TNRC18: variants seen among roughly 807,000 people sequenced by gnomAD.
The protein encoded by TNRC18 is trinucleotide repeat containing 18.
TNRC18 carries 69 observed loss-of-function variants against 226.7 expected under a neutral mutation model. The observed-to-expected ratio is 0.30, with a 90% CI of 0.25 to 0.37. The LOEUF (loss-of-function observed/expected upper bound fraction) is 0.37. TNRC18 is among the 10% of genes least tolerant of loss of function. The pLI is 1.00. For missense variants in TNRC18, 4,754 were observed against 4,256.6 expected (o/e 1.12, Z -3.25); for synonymous variants, 2,449 against 1,927.6 (o/e 1.27, Z -7.09).
At chr7:5,399,745 C>T (rs1315345748) in intron 2 of TNRC18, among the ~76,000 whole-genome samples, 2 of 152,098 alleles carry the variant, frequency 1.3e-5, no homozygotes, top group African/African-American at 2.4e-5. Flanking sequence ...ACAGCCGGCA[C>T]GATGGCTCAC....
At position 5,361,980 on chromosome 7, in the gene TNRC18, G is replaced by C. The variant is rs758597808; in HGVS notation, c.4449C>G (p.Phe1483Leu). The stretch of plus-strand genomic sequence containing the variant: ...GCTGCACCTCGGCCAGCCGCATCCG[G>C]AAGTCCAGCTCCAGGGCGTCCATGT... ...LEDMDALELDFRMRLAEVQRQ... is the reference protein window; with the variant it reads ...LEDMDALELDLRMRLAEVQRQ... The change falls in exon 13 of 30, where the codon TTC becomes TTG. Residue 1483 changes from phenylalanine to leucine, a missense_variant. Phe to Leu is a conservative substitution (Grantham distance 22, BLOSUM62 0). Coordinates refer to ENST00000430969, the MANE Select transcript of TNRC18 (RefSeq NM_001080495.3). 6 of 1,613,388 alleles carry C rather than the reference G, an allele frequency of 3.7e-6. No homozygotes were observed. Among genetic ancestry groups the C allele is most frequent in the Non-Finnish European group, 2.5e-6 (3 of 1,179,780 alleles).
intron 16 of TNRC18, 144 bp downstream of exon 16, chr7:5,356,772 G>A: frequency 8.3e-7 from 1 of 1,204,262 alleles, no homozygotes; most frequent in South Asian, 1.9e-5. Flanking sequence ...GCCATGCCAA[G>A]CTCAGGCACT....
At position 5,345,643 on chromosome 7, in the gene TNRC18, T is replaced by G. The variant is rs1791107896; in HGVS notation, c.5638A>C (p.Thr1880Pro). 12 of 1,556,740 alleles carry G rather than the reference T, an allele frequency of 7.7e-6. No individual in the cohort carries two copies. Among genetic ancestry groups the G allele is most frequent in the Non-Finnish European group, 1.0e-5 (12 of 1,150,524 alleles). Reference protein sequence around the residue: ...RFAASALPSPTVGPSLSVVQL... With the variant: ...RFAASALPSPPVGPSLSVVQL... ...ACCACAGACAGGGATGGACCCACCG[T>G]GGGGCTGGGGAGGGCGCTGGCGGCG... The change falls in exon 18 of 30, where the codon ACG becomes CCG. Residue 1880 changes from threonine to proline, a missense_variant. Transcript: ENST00000430969.
intron 16 of TNRC18, among the ~76,000 whole-genome samples, chr7:5,353,182 C>A (rs948186125): frequency 6.6e-6 from 1 of 152,266 alleles, no homozygotes. Context: ...CTGTCCCTCC[C>A]GAGGCTGTGT....
At chr7:5,365,538 C>A (rs1372814074) in intron 11 of TNRC18, among the ~76,000 whole-genome samples, 1 of 152,160 alleles carries the variant, frequency 6.6e-6, no homozygotes, top group Non-Finnish European at 1.5e-5. Flanking sequence ...CCCCTACCCT[C>A]CAGGAAGGGT....
intron 19 of TNRC18, among the ~76,000 whole-genome samples, chr7:5,326,232 C>G (rs528771528): frequency 2.0e-5 from 3 of 151,864 alleles, no homozygotes; most frequent in Admixed American, 6.6e-5. Context: ...GCAGACACAA[C>G]CATGCACACA....
At chr7:5,414,328 A>T (rs1050947412) in intron 2 of TNRC18, among the ~76,000 whole-genome samples, 6 of 150,804 alleles carry the variant, frequency 4.0e-5, no homozygotes, top group African/African-American at 7.3e-5. Flanking sequence ...TATAGATATA[A>T]AATAGATATT....
chr7:5,375,149 A>G (rs1274132438), intron 9 of TNRC18, among the ~76,000 whole-genome samples: 1 of 112,702 alleles, frequency 8.9e-6, no homozygotes, highest in East Asian at 2.1e-4. Flanking sequence ...TACTAAAAAT[A>G]GAGAAAAAAA....
intron 9 of TNRC18, 119 bp from the exon 10 acceptor site, chr7:5,374,603 G>C (rs1794472182): frequency 1.9e-6 from 2 of 1,063,816 alleles, no homozygotes; most frequent in Middle Eastern, 3.1e-4. Context: ...GCAGGGCCTG[G>C]GGTCCAGGCT....
Position 5,394,566 on chromosome 7 carries a change from T to C in TNRC18, c.217A>G (p.Ser73Gly). 1 of 1,550,166 alleles carries C rather than the reference T, an allele frequency of 6.5e-7. No individual in the cohort carries two copies. Among genetic ancestry groups the C allele is most frequent in the Non-Finnish European group, 8.7e-7 (1 of 1,148,302 alleles). ...GACGAGGCCGAGGGCCCCATCCCGC[T>C]GGCCACAAAGCTGCCCAAGAAGGCC... ...GEAFLGSFVA[S>G]GMGPSASSHG... Residue 73 changes from serine to glycine, a missense_variant, in exon 3 of 30, where the codon AGC (serine) becomes GGC (glycine). Ser to Gly is a moderately conservative substitution (Grantham distance 56, BLOSUM62 0). Coordinates refer to ENST00000430969, the MANE Select transcript of TNRC18 (RefSeq NM_001080495.3). This position sits in a 1 kb window ranked among gnomAD's most constrained non-coding sequence, Gnocchi z 4.5.
At chr7:5,413,944 G>C (rs1018555350) in intron 2 of TNRC18, among the ~76,000 whole-genome samples, 2 of 152,054 alleles carry the variant, frequency 1.3e-5, no homozygotes, top group African/African-American at 4.8e-5. Flanking sequence ...ACTGTGAACT[G>C]CTCTCACTGT....
intron 19 of TNRC18, 120 bp downstream of exon 19, chr7:5,332,502 G>T: frequency 1.7e-6 from 2 of 1,171,778 alleles, no homozygotes; most frequent in Non-Finnish European, 2.3e-6. Flanking sequence ...GGCGGGCCTG[G>T]AGCCGAGTAC....
At position 5,313,196 on chromosome 7, in the gene TNRC18, A is replaced by ACTGCTGCCG. The variant is rs1562478572; in HGVS notation, c.7694_7695insCGGCAGCAG (p.Gly2566_Ser2568dup). On this transcript the variant is annotated inframe_insertion, in exon 27 of 30. Transcript: ENST00000430969. ...TGCTGCTGCTGCTGCTACTGCTGCC[A>ACTGCTGCCG]CTACTGCTGCTGCTGCTGCTCTCGG... The ACTGCTGCCG allele has an allele frequency of 1.2e-5, 18 of 1,535,716 alleles. No individual in the cohort carries two copies. Among genetic ancestry groups the ACTGCTGCCG allele is most frequent in the East Asian group, 4.9e-5 (2 of 40,872 alleles).
Position 5,312,903 on chromosome 7 carries a change from G to A in TNRC18, c.7988C>T (p.Ser2663Phe). 1 of 1,513,570 alleles carries A rather than the reference G, an allele frequency of 6.6e-7. No homozygotes were observed. The highest frequency in any genetic ancestry group is 8.9e-7 in the Non-Finnish European group (1 of 1,128,424). 93.8% of individuals were successfully genotyped at this position (1,513,570 alleles called of 1,614,324 possible). ...SSSSSSSSSS[S>F]SSSSSSSSTT... ...GGAGGAAGAAGAGGAGGAAGAGGAG[G>A]AGGAGGAGGAGGATGAGGACGAGGA... The change falls in exon 27 of 30, where the codon TCC becomes TTC. Residue 2663 changes from serine (S) to phenylalanine (F), a missense_variant. By Grantham distance (155) the Ser-to-Phe change is radical. Transcript: ENST00000430969. This position sits in a 1 kb window ranked among gnomAD's most constrained non-coding sequence, Gnocchi z 6.3.
intron 2 of TNRC18, among the ~76,000 whole-genome samples, chr7:5,411,072 G>C (rs1205458430): frequency 6.6e-6 from 1 of 151,532 alleles, no homozygotes; most frequent in East Asian, 1.9e-4. Context: ...CCCGGGCATG[G>C]TGGCACATGC....
intron 2 of TNRC18, among the ~76,000 whole-genome samples, chr7:5,412,174 G>A (rs1000224058): frequency 6.7e-6 from 1 of 148,290 alleles, no homozygotes; most frequent in African/African-American, 2.5e-5. Flanking sequence ...GCGTAACAGA[G>A]CGAGACCCAG....
At chr7:5,342,646 T>C (rs1471776247) in intron 18 of TNRC18, among the ~76,000 whole-genome samples, 1 of 152,050 alleles carries the variant, frequency 6.6e-6, no homozygotes, top group South Asian at 2.1e-4. Flanking sequence ...AAGAAAGTGG[T>C]TTCTTGAGAT....
In TNRC18 at chr7:5,313,391, G is replaced by A. The variant is rs769199368; in HGVS notation, c.7500C>T (p.Ser2500=). 5.0e-6 allele frequency: 8 copies of A among 1,591,510 alleles called. No individual in the cohort carries two copies. In the South Asian group the frequency reaches 6.8e-5, roughly 14 times the overall value. Residue 2500 remains serine, a synonymous_variant, in exon 27 of 30, where the codon AGC becomes AGT. Coordinates refer to ENST00000430969, the MANE Select transcript of TNRC18 (RefSeq NM_001080495.3). Reference sequence around the variant, plus strand: ...CGGCCGCGGGGGGATAGCTGCCCAGGCTCAGGAGGCTCTTGGGCTCCTGCC... The same window carrying A: ...CGGCCGCGGGGGGATAGCTGCCCAGACTCAGGAGGCTCTTGGGCTCCTGCC... ...GGWQEPKSLL[S]LGSYPPAAGS... is the part of the protein sequence containing the mutation.
chr7:5,374,186 CTGGTGGGG>C lies in TNRC18; in HGVS notation c.3090_3097del (p.His1030GlnfsTer81). ...GGGCGGTGGGGAGGCGGGCGGCGGG[CTGGTGGGG>C]TGGGAGCTGGGGGTGGCGGGGTAGG... On this transcript the variant is annotated frameshift_variant, in exon 10 of 30. Transcript: ENST00000430969. LOFTEE classifies it high-confidence loss of function. The C allele has an allele frequency of 2.9e-6, 1 of 349,754 alleles. No homozygotes were observed. Among genetic ancestry groups the C allele is most frequent in the Non-Finnish European group, 3.4e-6 (1 of 297,622 alleles). The allele number at this position is 349,754 out of a possible 1,614,324, so 21.7% of individuals were successfully genotyped here. A position where few individuals can be genotyped will look rare whatever the true frequency, so the allele number is the denominator to read the frequency against.
Sources: allele counts gnomAD v4.1 joint callset (sites outside exome capture counted in the v4.1 genomes callset), GRCh38; gene constraint gnomAD v4.1.1; non-coding constraint Gnocchi (gnomAD v3.1); transcripts MANE v1.5; gene names NCBI Gene and HGNC (gene_info 2026-07-23, HGNC 2026-07-21).